Variants in FER1L6 observed in about 807,000 individuals in gnomAD.
FER1L6 encodes the protein fer-1-like protein 6.
Under a neutral mutation model 219.2 loss-of-function variants are expected in FER1L6, and 177 were observed. The ratio of observed to expected loss-of-function variants is 0.81; its 90% CI spans 0.71 to 0.91. The LOEUF is 0.91. FER1L6 is among the 40% of genes least tolerant of loss of function. The pLI, the probability that FER1L6 is intolerant of heterozygous loss-of-function variation, is 0.00. For synonymous variants in FER1L6, 768 were observed against 824.3 expected, an observed-to-expected ratio of 0.93 and a Z score of 1.17; for missense variants, 2,153 against 2,259.9, an observed-to-expected ratio of 0.95 and a Z score of 0.96.
chr8:124,061,787 C>T, intron 24 of FER1L6, 65 bp from the exon 25 acceptor site: 1 of 1,511,890 alleles, frequency 6.6e-7, no homozygotes, highest in Non-Finnish European at 9.1e-7. Context: ...GGATGCCCAG[C>T]TGGCTTTGGG....
chr8:123,910,235 T>A (rs1325122969), intron 1 of FER1L6, among the ~76,000 whole-genome samples: 1 of 152,188 alleles, frequency 6.6e-6, no homozygotes, highest in Non-Finnish European at 1.5e-5. Flanking sequence ...ATTCAAACAG[T>A]AATGATGATA....
chr8:123,871,473 C>T (rs756747804), intron 1 of FER1L6, among the ~76,000 whole-genome samples: 9 of 152,076 alleles, frequency 5.9e-5, no homozygotes, highest in African/African-American at 1.2e-4. Context: ...CACTCCCCTC[C>T]CCCACACATA....
chr8:124,091,393 C>T (rs752885368), intron 33 of FER1L6, 30 bp from the exon 34 acceptor site: 6 of 1,604,760 alleles, frequency 3.7e-6, no homozygotes, highest in Non-Finnish European at 5.1e-6. Flanking sequence ...AAGTGAGGAC[C>T]TCAAAGTGTG....
intron 1 of FER1L6, among the ~76,000 whole-genome samples, chr8:123,883,055 C>T (rs928149131): frequency 2.0e-5 from 3 of 152,040 alleles, no homozygotes; most frequent in Non-Finnish European, 4.4e-5. Context: ...AAAAATAAAG[C>T]TGATTAAAGA....
At chr8:123,954,241 C>A (rs1023002181) in intron 1 of FER1L6, among the ~76,000 whole-genome samples, 9 of 152,114 alleles carry the variant, frequency 5.9e-5, no homozygotes, top group Non-Finnish European at 1.3e-4. Flanking sequence ...ATCTCAGGGT[C>A]TCAAAGGATC....
chr8:123,897,781 T>A (rs1812770720), intron 1 of FER1L6, among the ~76,000 whole-genome samples: 1 of 152,206 alleles, frequency 6.6e-6, no homozygotes, highest in Admixed American at 6.5e-5. Flanking sequence ...CTGATATAAT[T>A]AGGATTTTCA....
At position 123,884,099 on chromosome 8, in the gene FER1L6, C is replaced by T. The variant is rs140946928; in HGVS notation, c.-8+31914C>T. ...AGAAGTGGAAAAGGAGGGCTGTGTG[C>T]ACTACAAATCACACCACTGTGCTTC... On this transcript the variant is annotated intron_variant, in intron 1 of 40. Transcript: ENST00000522917. Among the ~76,000 whole-genome samples, 187 of 152,318 alleles carry T rather than the reference C, an allele frequency of 1.2e-3. 1 individual carries two copies. The highest frequency in any genetic ancestry group is 4.1e-3 in the African/African-American group (169 of 41,574).
At chr8:124,009,524 T>G (rs1817817898) in intron 13 of FER1L6, among the ~76,000 whole-genome samples, 1 of 151,788 alleles carries the variant, frequency 6.6e-6, no homozygotes, top group African/African-American at 2.4e-5. Context: ...TAGCTTGAGT[T>G]TTGTAGAGCT....
intron 39 of FER1L6, among the ~76,000 whole-genome samples, chr8:124,112,230 T>A (rs1312420509): frequency 2.0e-5 from 3 of 152,192 alleles, no homozygotes. Flanking sequence ...TGGTTTTAGT[T>A]GCTGGCAGGC....
chr8:124,007,109 C>A (rs1817690596), intron 13 of FER1L6, among the ~76,000 whole-genome samples: 1 of 152,200 alleles, frequency 6.6e-6, no homozygotes, highest in Non-Finnish European at 1.5e-5. Flanking sequence ...TCTGAGTAAA[C>A]ACCTGCTGGT....
chr8:123,992,487 T>G (rs1249948618), intron 12 of FER1L6, among the ~76,000 whole-genome samples: 4 of 152,208 alleles, frequency 2.6e-5, no homozygotes, highest in Non-Finnish European at 5.9e-5. Flanking sequence ...CTAGTTTGTG[T>G]GCATAGAAGT....
At position 124,082,480 on chromosome 8, in the gene FER1L6, G is replaced by A. The variant is rs201939708; in HGVS notation, c.4391+22G>A. ...AGATGTAAGTTCTTTCTCCCCGGGAGACACTTGGTATTCTGAAGCTGTTGT... is the reference window on the plus strand; with the variant it reads ...AGATGTAAGTTCTTTCTCCCCGGGAAACACTTGGTATTCTGAAGCTGTTGT... On this transcript the variant is annotated intron_variant, in intron 33 of 40. Transcript: ENST00000522917. 1.6e-4 allele frequency: 261 copies of A among 1,609,108 alleles called. 1 individual carries two copies. In the Middle Eastern group the frequency reaches 1.7e-3, roughly 10 times the overall value.
At chr8:124,013,616 C>T in intron 15 of FER1L6, 85 bp downstream of exon 15, 5 of 838,586 alleles carry the variant, frequency 6.0e-6, no homozygotes, top group Middle Eastern at 2.7e-4. Flanking sequence ...GTCGATTTCA[C>T]ATGCATTCAA....
At chr8:124,106,590 T>C (rs904340611) in intron 39 of FER1L6, among the ~76,000 whole-genome samples, 1 of 152,126 alleles carries the variant, frequency 6.6e-6, no homozygotes, top group Non-Finnish European at 1.5e-5. Context: ...TCCTTCTGCC[T>C]GGATTGCCTT....
intron 33 of FER1L6, among the ~76,000 whole-genome samples, chr8:124,087,904 CTT>C (rs532640511): frequency 4.0e-4 from 61 of 152,272 alleles, no homozygotes; most frequent in African/African-American, 1.3e-3. Context: ...GGCAGAGACT[CTT>C]TTTCTCCTTT....
At chr8:123,912,022 C>CAAA (rs1813055366) in intron 1 of FER1L6, among the ~76,000 whole-genome samples, 1 of 152,082 alleles carries the variant, frequency 6.6e-6, no homozygotes. Context: ...ATGGAGTGAG[C>CAAA]AAATAAGGGA....
Position 123,975,974 on chromosome 8 carries a change from G to T in FER1L6, c.760G>T (p.Gly254Trp). The T allele has an allele frequency of 6.2e-7, 1 of 1,613,958 alleles. No individual in the cohort carries two copies. Residue 254 changes from glycine (G) to tryptophan (W), a missense_variant, in exon 9 of 41, where the codon GGG becomes TGG. Coordinates refer to ENST00000522917, the MANE Select transcript of FER1L6 (RefSeq NM_001039112.2). ...RFYVRLYKAE[G>W]LPKMNSSIMA... ...CTATGTGAGACTCTACAAAGCAGAA[G>T]GGTTGCCCAAAATGAATTCAAGCAT...
At position 124,021,629 on chromosome 8, in the gene FER1L6, C is replaced by G. The variant is rs994351410; in HGVS notation, c.2093C>G (p.Ala698Gly). ...KLSVDEMIHE[A>G]QNFVEKIRFL... ...TCTGTTGATGAAATGATTCACGAAG[C>G]CCAAAACTTTGTGGAAAAAATCCGC... The change falls in exon 17 of 41, where the codon GCC becomes GGC. Residue 698 changes from alanine to glycine, a missense_variant. Coordinates refer to ENST00000522917, the MANE Select transcript of FER1L6 (RefSeq NM_001039112.2). 17 of 1,613,956 alleles carry G rather than the reference C, an allele frequency of 1.1e-5. No homozygotes were observed. The African/African-American group carries it at 2.1e-4, about 20-fold the overall frequency.
chr8:124,042,702 A>G (rs544057779), intron 20 of FER1L6, among the ~76,000 whole-genome samples: 11 of 152,294 alleles, frequency 7.2e-5, no homozygotes, highest in African/African-American at 2.4e-4. Flanking sequence ...GGGCCCCTGC[A>G]GTCATAGCCG....
Sources: gnomAD v4.1 joint callset for allele counts (sites outside exome capture counted in the v4.1 genomes callset) on GRCh38, gnomAD v4.1.1 for gene constraint, MANE v1.5 for transcripts, NCBI Gene and HGNC (gene_info 2026-07-23, HGNC 2026-07-21) for gene names.